LRRC28: variants seen among roughly 807,000 people sequenced by gnomAD.
The protein encoded by LRRC28 is leucine rich repeat containing 28, also known as leucine-rich repeat-containing protein 28.
Under a neutral mutation model 45.7 loss-of-function variants are expected in LRRC28, and 39 were observed. That is an observed-to-expected ratio of 0.85 (90% CI 0.66 to 1.12). The LOEUF is 1.12. LRRC28 is among the 50% of genes most tolerant of loss of function. LRRC28 has a pLI of 0.00. For synonymous variants in LRRC28, 206 were observed against 178.8 expected, an observed-to-expected ratio of 1.15 and a Z score of -1.22; for missense variants, 435 against 438.5, an observed-to-expected ratio of 0.99 and a Z score of 0.07.
At chr15:99,258,902 C>T in intron 2 of LRRC28, 3 of 718,404 alleles carry the variant, frequency 4.2e-6, no homozygotes, top group Admixed American at 3.6e-5. Context: ...GCCTAAGAAC[C>T]TGAATTTTGT....
intron 6 of LRRC28, among the ~76,000 whole-genome samples, chr15:99,343,723 G>A (rs552674470): frequency 2.1e-4 from 32 of 152,228 alleles, no homozygotes; most frequent in African/African-American, 7.7e-4. Context: ...TGCATTAATA[G>A]TAATTAAAGG....
chr15:99,283,283 C>A (rs553073122), intron 3 of LRRC28, among the ~76,000 whole-genome samples: 1 of 151,186 alleles, frequency 6.6e-6, no homozygotes, highest in East Asian at 1.9e-4. Flanking sequence ...ACTGGTGTAC[C>A]CCTTACCCAG....
Position 99,390,300 on chromosome 15 carries a change from T to C in LRRC28, c.*4198T>C, listed in dbSNP as rs1958147246. On this transcript the variant is annotated 3_prime_UTR_variant, in exon 10 of 10. Transcript: ENST00000301981. The stretch of plus-strand genomic sequence containing the variant: ...ACAGCCTTTGAAGTATGACTGTATG[T>C]GTGGTCCCCTTGTACTTTGGAGACA... The C allele has an allele frequency of 6.6e-6, 1 of 152,264 alleles. No homozygotes were observed. Among genetic ancestry groups the C allele is most frequent in the Non-Finnish European group, 1.5e-5 (1 of 68,056 alleles). The allele number at this position is 152,264 out of a possible 1,614,324, so 9.4% of individuals were successfully genotyped here.
At chr15:99,345,351 C>T (rs1253609876) in intron 6 of LRRC28, among the ~76,000 whole-genome samples, 5 of 152,120 alleles carry the variant, frequency 3.3e-5, no homozygotes, top group Non-Finnish European at 7.3e-5. Flanking sequence ...ATTTTATCAA[C>T]GCAGTTTTAT....
chr15:99,291,741 A>T (rs2082127566), intron 5 of LRRC28, among the ~76,000 whole-genome samples: 1 of 152,208 alleles, frequency 6.6e-6, no homozygotes, highest in Non-Finnish European at 1.5e-5. Context: ...AATATTTAAA[A>T]TTTGCCAGTT....
At chr15:99,306,684 T>C (rs1247423147) in intron 5 of LRRC28, among the ~76,000 whole-genome samples, 1 of 152,222 alleles carries the variant, frequency 6.6e-6, no homozygotes, top group Non-Finnish European at 1.5e-5. Context: ...AAGAAAGTTC[T>C]GGCAGGTTTT....
At chr15:99,285,722 C>T in intron 3 of LRRC28, 2 of 564,496 alleles carry the variant, frequency 3.5e-6, no homozygotes, top group Non-Finnish European at 6.4e-6. Flanking sequence ...ATAGTGGGTA[C>T]TTTAGTTCAT....
chr15:99,301,603 A>T (rs762578359), intron 5 of LRRC28, among the ~76,000 whole-genome samples: 1 of 152,228 alleles, frequency 6.6e-6, no homozygotes. Flanking sequence ...GTAAATTTTA[A>T]CATGGTGGAT....
intron 9 of LRRC28, among the ~76,000 whole-genome samples, chr15:99,366,484 T>G (rs1021948667): frequency 6.6e-6 from 1 of 152,154 alleles, no homozygotes; most frequent in Non-Finnish European, 1.5e-5. Flanking sequence ...CAGGGTGGCT[T>G]AAACAGCAGA....
intron 9 of LRRC28, among the ~76,000 whole-genome samples, chr15:99,378,836 T>C (rs1278688271): frequency 1.3e-5 from 2 of 152,232 alleles, no homozygotes; most frequent in Non-Finnish European, 2.9e-5. Flanking sequence ...ATATGATGGA[T>C]TACATTTATT....
chr15:99,373,021 A>AC (rs113974821), intron 9 of LRRC28, among the ~76,000 whole-genome samples: 23,883 of 151,434 alleles, frequency 0.16, 1,924 homozygotes, highest in African/African-American at 0.18. Context: ...GGGGGTAACC[A>AC]CCCCCCCATG....
At chr15:99,252,574 C>G (rs987641519) in intron 1 of LRRC28, among the ~76,000 whole-genome samples, 4 of 152,214 alleles carry the variant, frequency 2.6e-5, no homozygotes, top group Non-Finnish European at 5.9e-5. Flanking sequence ...ATGTTACCCT[C>G]TGAGAAACTC....
rs540929707 is a variant in LRRC28 at position 99,285,597 on chromosome 15, CTT to C, written c.210-1658_210-1657del. On this transcript the variant is annotated intron_variant, in intron 3 of 9. Coordinates refer to ENST00000301981, the MANE Select transcript of LRRC28 (RefSeq NM_144598.5). ...GACTTGACGGCAGGGGGAGGAGAGA[CTT>C]TAACGATGCTTCCTCAGCAGCATCC... The C allele has an allele frequency of 6.8e-4, 476 of 698,546 alleles. 2 individuals are homozygous for C. In the African/African-American group the frequency reaches 7.9e-3, roughly 12 times the overall value. The allele number at this position is 698,546 out of a possible 1,614,324, so 43.3% of individuals were successfully genotyped here.
At chr15:99,287,532 A>G (rs2081991351) in intron 4 of LRRC28, among the ~76,000 whole-genome samples, 1 of 152,158 alleles carries the variant, frequency 6.6e-6, no homozygotes, top group Non-Finnish European at 1.5e-5. Flanking sequence ...TAATAAATCT[A>G]GTTAAGAATT....
At chr15:99,374,577 G>A (rs749530070) in intron 9 of LRRC28, among the ~76,000 whole-genome samples, 6 of 151,990 alleles carry the variant, frequency 3.9e-5, no homozygotes, top group Admixed American at 3.9e-4. Context: ...CTTCCAATCT[G>A]TATGCCTTTA....
At chr15:99,350,246 A>G (rs1419519127) in intron 6 of LRRC28, among the ~76,000 whole-genome samples, 2 of 152,064 alleles carry the variant, frequency 1.3e-5, no homozygotes, top group Admixed American at 6.5e-5. Flanking sequence ...TTTGCTTCCT[A>G]TGGGGAAGCA....
chr15:99,327,138 G>A lies in LRRC28; in HGVS notation c.386-6785G>A, dbSNP rs529116685. On this transcript the variant is annotated intron_variant, in intron 5 of 9. Transcript: ENST00000301981. ...CGCCTAGGCTGGAGTGCAGTGGCAC[G>A]ATCTCGGCTCATGGCAACCTCCACC... 3.3e-5 allele frequency among the ~76,000 whole-genome samples: 5 copies of A among 152,110 alleles called. No individual in the cohort carries two copies. In the East Asian group the frequency reaches 7.7e-4, roughly 23 times the overall value.
chr15:99,292,805 T>C (rs1245751887), intron 5 of LRRC28, among the ~76,000 whole-genome samples: 2 of 152,242 alleles, frequency 1.3e-5, no homozygotes, highest in Non-Finnish European at 2.9e-5. Context: ...TCAGGGATGA[T>C]AGCAGCCGAG....
intron 7 of LRRC28, among the ~76,000 whole-genome samples, chr15:99,360,563 C>G (rs766904225): frequency 5.9e-5 from 9 of 152,174 alleles, no homozygotes; most frequent in Non-Finnish European, 1.3e-4. Context: ...GTCCTGTCCC[C>G]TAAGCTTCAT....
Sources: gnomAD v4.1 joint callset for allele counts (sites outside exome capture counted in the v4.1 genomes callset) on GRCh38, gnomAD v4.1.1 for gene constraint, MANE v1.5 for transcripts, NCBI Gene and HGNC (gene_info 2026-07-23, HGNC 2026-07-21) for gene names.